Variants in BAIAP2L2 observed in about 807,000 individuals in gnomAD.
BAIAP2L2 encodes BAR/IMD domain-containing adapter protein 2-like 2.
Under a neutral mutation model 60.4 loss-of-function variants are expected in BAIAP2L2, and 65 were observed. The observed-to-expected ratio is 1.08, with a 90% CI of 0.88 to 1.32. The LOEUF is 1.32. Ranked by LOEUF, BAIAP2L2 falls within the 40% of genes most tolerant of loss-of-function variation. The pLI is 0.00. For synonymous variants in BAIAP2L2, 344 were observed against 301.7 expected (o/e 1.14, Z -1.45); for missense variants, 836 against 741.2 (o/e 1.13, Z -1.48).
At chr22:38,110,108 GGAGAGAGAGAGGGAGAGAGAGAGAGAGA>G (rs2086792838) in intron 1 of BAIAP2L2, among the ~76,000 whole-genome samples, 2 of 3,140 alleles carry the variant, frequency 6.4e-4, no homozygotes, top group African/African-American at 1.1e-3. Flanking sequence ...ACAGAGAGAG[GGAGAGAGAGAGGGAGAGAGAGAGAGAGA>G]GAGAGAGAGA....
intron 3 of BAIAP2L2, 78 bp from the exon 4 acceptor site, chr22:38,107,991 C>G (rs2145635995): frequency 6.8e-7 from 1 of 1,471,346 alleles, no homozygotes; most frequent in Non-Finnish European, 9.4e-7. Flanking sequence ...CCGCTGAAAG[C>G]CAACAGAGGG....
Position 38,108,349 on chromosome 22 carries a change from C to T in BAIAP2L2, c.128-8G>A. On this transcript the variant is annotated splice_region_variant and splice_polypyrimidine_tract_variant and intron_variant, in intron 2 of 13. Transcript: ENST00000381669. Reference sequence around the variant, plus strand: ...CGGCCGCCTCGGACAGAGCTGTGGACCAGAAGGGACAGGTCTGGTCCAGCC... The same window carrying T: ...CGGCCGCCTCGGACAGAGCTGTGGATCAGAAGGGACAGGTCTGGTCCAGCC... 1 of 1,610,254 alleles carries T rather than the reference C, an allele frequency of 6.2e-7. No homozygotes were observed. The highest frequency in any genetic ancestry group is 2.2e-5 in the East Asian group (1 of 44,826).
At position 38,089,165 on chromosome 22, in the gene BAIAP2L2, C is replaced by T. The variant is rs1347403345; in HGVS notation, c.832G>A (p.Glu278Lys). ...TGGGACGCGGGCCTCGCGTCGGGCTCGGTGCCGTAGGAGCCGGAGCCGTGC... is the reference window on the plus strand; with the variant it reads ...TGGGACGCGGGCCTCGCGTCGGGCTTGGTGCCGTAGGAGCCGGAGCCGTGC... Reference protein sequence around the residue: ...SRHGSGSYGTEPDARPASQLE... With the variant: ...SRHGSGSYGTKPDARPASQLE... The change falls in exon 9 of 14, where the codon GAG becomes AAG. Residue 278 changes from glutamate to lysine, a missense_variant. Coordinates refer to ENST00000381669, the MANE Select transcript of BAIAP2L2 (RefSeq NM_025045.6). The T allele has an allele frequency of 6.0e-6, 8 of 1,334,116 alleles. No homozygotes were observed. The highest frequency in any genetic ancestry group is 7.6e-6 in the Non-Finnish European group (8 of 1,047,000). The allele number at this position is 1,334,116 out of a possible 1,614,324, so 82.6% of individuals were successfully genotyped here.
rs778728193 is a variant in BAIAP2L2 at position 38,097,096 on chromosome 22, C to T, written c.548G>A (p.Arg183His). Reference sequence around the variant, plus strand: ...GTGCTTCTCTGCTAGGAAGCGATAGCGCCGCTTCTCTTCCAATTCAGCCGC... The same window carrying T: ...GTGCTTCTCTGCTAGGAAGCGATAGTGCCGCTTCTCTTCCAATTCAGCCGC... ...QRAAELEEKR[R>H]YRFLAEKHLL... The change falls in exon 7 of 14, where the codon CGC (arginine) becomes CAC (histidine). Residue 183 changes from arginine (R) to histidine (H), a missense_variant. Transcript: ENST00000381669. 4 of 1,614,084 alleles carry T rather than the reference C, an allele frequency of 2.5e-6. No homozygotes were observed. The highest frequency in any genetic ancestry group is 3.4e-6 in the Non-Finnish European group (4 of 1,180,016).
intron 1 of BAIAP2L2, among the ~76,000 whole-genome samples, chr22:38,109,540 C>T (rs1374353263): frequency 6.6e-6 from 1 of 152,182 alleles, no homozygotes; most frequent in African/African-American, 2.4e-5. Context: ...GAAGCTGGCC[C>T]GCCTGCTGTG....
At position 38,107,882 on chromosome 22, in the gene BAIAP2L2, C is replaced by G. The variant is rs2086697723; in HGVS notation, c.246G>C (p.Gln82His). 1 of 1,613,392 alleles carries G rather than the reference C, an allele frequency of 6.2e-7. No homozygotes were observed. Among genetic ancestry groups the G allele is most frequent in the African/African-American group, 1.3e-5 (1 of 74,900 alleles). ...CCTCCAGGTCAGAGTTCAAGTGCCG[C>G]TGGGTGTCAGACATCTGCACCAAGA... ...GEILVQMSDT[Q>H]RHLNSDLEVV... Residue 82 changes from glutamine (Q) to histidine (H), a missense_variant, in exon 4 of 14, where the codon CAG (glutamine) becomes CAC (histidine). By Grantham distance (24) the Gln-to-His change is conservative (BLOSUM62 0). Coordinates refer to ENST00000381669, the MANE Select transcript of BAIAP2L2 (RefSeq NM_025045.6).
intron 7 of BAIAP2L2, among the ~76,000 whole-genome samples, chr22:38,096,401 T>A (rs1228203353): frequency 1.3e-5 from 2 of 152,198 alleles, no homozygotes; most frequent in African/African-American, 4.8e-5. Context: ...ATGCCTGTAA[T>A]CGCAGCACTT....
chr22:38,093,890 C>G (rs1383849805), intron 7 of BAIAP2L2: 2 of 456,526 alleles, frequency 4.4e-6, no homozygotes, highest in Non-Finnish European at 8.8e-6. Context: ...AAGACTCGTA[C>G]ATGGATGCTC....
chr22:38,090,099 A>ATTTTTTTTTTTTTTTT (rs749685662), intron 7 of BAIAP2L2: 1 of 75,878 alleles, frequency 1.3e-5, no homozygotes. Flanking sequence ...TGGAAAATGC[A>ATTTTTTTTTTTTTTTT]TTTTTTTTTT....
chr22:38,096,267 C>T (rs972736979), intron 7 of BAIAP2L2, among the ~76,000 whole-genome samples: 1 of 152,152 alleles, frequency 6.6e-6, no homozygotes, highest in Non-Finnish European at 1.5e-5. Flanking sequence ...CAGCTCAATT[C>T]AGAAAGTGAA....
At position 38,089,085 on chromosome 22, in the gene BAIAP2L2, G is replaced by A; in HGVS notation, c.901+11C>T. ...CCGGCCCTCCTGCCGCCCCGGGGCG[G>A]GGGCACTCACAGGCCGACGGCGTGC... On this transcript the variant is annotated intron_variant, in intron 9 of 13. Coordinates refer to ENST00000381669, the MANE Select transcript of BAIAP2L2 (RefSeq NM_025045.6). The A allele has an allele frequency of 7.2e-7, 1 of 1,382,248 alleles. No individual in the cohort carries two copies. Among genetic ancestry groups the A allele is most frequent in the Non-Finnish European group, 9.3e-7 (1 of 1,074,058 alleles). The allele number at this position is 1,382,248 out of a possible 1,614,324, so 85.6% of individuals were successfully genotyped here.
At chr22:38,088,673 G>C (rs2086174071) in intron 10 of BAIAP2L2, 75 bp downstream of exon 10, 2 of 1,435,660 alleles carry the variant, frequency 1.4e-6, no homozygotes, top group Non-Finnish European at 1.8e-6. Flanking sequence ...ACCTCAGTCC[G>C]GCAGGTCCCC....
intron 6 of BAIAP2L2, 54 bp downstream of exon 6, chr22:38,098,009 C>CCCCCCCCAA: frequency 1.4e-5 from 8 of 565,274 alleles, no homozygotes; most frequent in East Asian, 1.2e-4. Flanking sequence ...GGTCTCGCCC[C>CCCCCCCCAA]GAGGTCTGCC....
intron 4 of BAIAP2L2, among the ~76,000 whole-genome samples, chr22:38,102,677 G>A (rs1447431979): frequency 6.6e-6 from 1 of 152,142 alleles, no homozygotes; most frequent in African/African-American, 2.4e-5. Flanking sequence ...AGGACTGCTT[G>A]AGGCCAGGAG....
chr22:38,096,017 T>C (rs1169877186), intron 7 of BAIAP2L2, among the ~76,000 whole-genome samples: 1 of 152,184 alleles, frequency 6.6e-6, no homozygotes, highest in Non-Finnish European at 1.5e-5. Context: ...GGGAATGGGC[T>C]GAATTCCTTT....
rs1569213269 is a variant in BAIAP2L2, at chr22:38,085,314, G to T, written c.1576C>A (p.Pro526Thr). 6.2e-7 allele frequency: 1 copy of T among 1,613,960 alleles called. No individual in the cohort carries two copies. Among genetic ancestry groups the T allele is most frequent in the Admixed American group, 1.7e-5 (1 of 59,998 alleles). Residue 526 changes from proline (P) to threonine (T), a missense_variant, in exon 14 of 14, where the codon CCC (proline) becomes ACC (threonine). Transcript: ENST00000381669. The stretch of plus-strand genomic sequence containing the variant: ...CGGACCCCGCCTCAGCGGATGAGGG[G>T]TGCTGAGCGGTCATTGGTGATGGTG... ...RPTITNDRSA[P>T]LIR
chr22:38,087,900 C>CCA (rs1555962605), intron 10 of BAIAP2L2, among the ~76,000 whole-genome samples: 1 of 151,472 alleles, frequency 6.6e-6, no homozygotes, highest in South Asian at 2.1e-4. Flanking sequence ...ACCCCCCCCC[C>CCA]GCCATTTAAG....
chr22:38,098,651 G>A (rs1288070379), intron 4 of BAIAP2L2, among the ~76,000 whole-genome samples, 169 bp from the exon 5 acceptor site: 1 of 152,204 alleles, frequency 6.6e-6, no homozygotes, highest in Non-Finnish European at 1.5e-5. Flanking sequence ...GCTGGAGGGA[G>A]GACGAAATGG....
At chr22:38,106,204 G>A (rs1198142180) in intron 4 of BAIAP2L2, among the ~76,000 whole-genome samples, 1 of 152,168 alleles carries the variant, frequency 6.6e-6, no homozygotes, top group East Asian at 1.9e-4. Context: ...GTGTGCGTGG[G>A]ATGTGCATTT....
Sources: allele counts gnomAD v4.1 joint callset (sites outside exome capture counted in the v4.1 genomes callset), GRCh38; gene constraint gnomAD v4.1.1; transcripts MANE v1.5; gene names NCBI Gene and HGNC (gene_info 2026-07-23, HGNC 2026-07-21).